The following TOP3B variants were observed in gnomAD, a reference collection of about 807,000 sequenced individuals.
TOP3B encodes the protein DNA topoisomerase III beta.
In TOP3B, 45 loss-of-function variants were observed where a neutral mutation model predicts 93.9. That is an observed-to-expected ratio of 0.48 (90% CI 0.38 to 0.61). The LOEUF (loss-of-function observed/expected upper bound fraction) is 0.61. Ranked by LOEUF, TOP3B falls within the 20% of genes least tolerant of loss-of-function variation. The probability of loss-of-function intolerance (pLI) is 0.00; values close to 1 mark genes in which losing one functional copy is unlikely to be tolerated. For missense variants in TOP3B, 750 were observed against 1,156.1 expected (o/e 0.65, Z 5.09); for synonymous variants, 357 against 472.6 (o/e 0.76, Z 3.17).
Position 21,959,392 on chromosome 22 carries a change from C to A in TOP3B, c.1805-160G>T. The A allele has an allele frequency of 2.0e-6, 3 of 1,482,794 alleles. No homozygotes were observed. In the South Asian group the frequency reaches 4.1e-5, roughly 20 times the overall value. The allele number at this position is 1,482,794 out of a possible 1,614,324, so 91.9% of individuals were successfully genotyped here. On this transcript the variant is annotated intron_variant, in intron 15 of 17. Transcript: ENST00000357179. Reference sequence around the variant, plus strand: ...GCAGCAGCCCTGTGCGTCAGAGGCACGTGTTCCTGGCCATGTGTGGTGTTA... The same window carrying A: ...GCAGCAGCCCTGTGCGTCAGAGGCAAGTGTTCCTGGCCATGTGTGGTGTTA...
chr22:21,982,471 A>G (rs1054407472), intron 1 of TOP3B: 11 of 152,194 alleles, frequency 7.2e-5, no homozygotes, highest in African/African-American at 2.7e-4. Context: ...TTCGAAGAAG[A>G]AAAGTATTAA....
At chr22:21,977,843 C>A (rs2071944702) in intron 1 of TOP3B, among the ~76,000 whole-genome samples, 1 of 152,138 alleles carries the variant, frequency 6.6e-6, no homozygotes, top group Non-Finnish European at 1.5e-5. Flanking sequence ...TTGGCCTAGT[C>A]CAGGATGCAG....
At position 21,958,713 on chromosome 22, in the gene TOP3B, G is replaced by C; in HGVS notation, c.1906-20C>G. ...CTTGGCCTGCGGCAATGCCAGGCAG[G>C]TGGCGTGAGGGTCACTGGGGCCACC... On this transcript the variant is annotated intron_variant, in intron 16 of 17. Transcript: ENST00000357179. 6.3e-7 allele frequency: 1 copy of C among 1,581,420 alleles called. No homozygotes were observed. The highest frequency in any genetic ancestry group is 1.1e-5 in the South Asian group (1 of 88,820).
chr22:21,980,139 A>C (rs2084597675), intron 1 of TOP3B, among the ~76,000 whole-genome samples: 2 of 152,124 alleles, frequency 1.3e-5, no homozygotes, highest in Admixed American at 1.3e-4. Context: ...ACACGTGTGC[A>C]CTTGATTATG....
intron 1 of TOP3B, among the ~76,000 whole-genome samples, chr22:21,981,859 G>A (rs530664942): frequency 6.6e-6 from 1 of 152,174 alleles, no homozygotes; most frequent in Admixed American, 6.5e-5. Context: ...GCAGTGGTCT[G>A]AATAGCATTA....
chr22:21,958,183 C>A, intron 17 of TOP3B: 2 of 1,281,012 alleles, frequency 1.6e-6, no homozygotes, highest in Non-Finnish European at 2.0e-6. Flanking sequence ...GCCCGCTCAC[C>A]GGGTGGGTCC....
rs759483856 is a variant in TOP3B at position 21,974,508 on chromosome 22, A to G, written c.71-20T>C. 3 of 1,584,908 alleles carry G rather than the reference A, an allele frequency of 1.9e-6. No individual in the cohort carries two copies. In the African/African-American group the frequency reaches 4.0e-5, roughly 21 times the overall value. On this transcript the variant is annotated intron_variant, in intron 2 of 17. Coordinates refer to ENST00000357179, the MANE Select transcript of TOP3B (RefSeq NM_001282112.2). ...GGCTCCCTGGGGATGAGGAAGCACA[A>G]AGTGACTGGCTGCTTCAGCTGAGCT... is the stretch of plus-strand genomic sequence containing the variant.
intron 17 of TOP3B, chr22:21,957,830 T>G (rs2070987049): frequency 6.5e-7 from 1 of 1,532,548 alleles, no homozygotes; most frequent in African/African-American, 1.4e-5. Context: ...ACCATCCCAG[T>G]GGGTTTCAGC....
In TOP3B at chr22:21,970,541, C is replaced by G; in HGVS notation, c.385-135G>C. 1.1e-6 allele frequency: 1 copy of G among 886,792 alleles called. No homozygotes were observed. The highest frequency in any genetic ancestry group is 1.7e-6 in the Non-Finnish European group (1 of 589,530). The allele number at this position is 886,792 out of a possible 1,614,324, so 54.9% of individuals were successfully genotyped here. On this transcript the variant is annotated intron_variant, in intron 5 of 17. Transcript: ENST00000357179. This position sits in a 1 kb window ranked among gnomAD's most constrained non-coding sequence, Gnocchi z 4.4. ...CCCTCTCCTGCCCCTGCCAGACCCTCCTCTATCCCCTTTCCTGCACCTGCC... is the reference window on the plus strand; with the variant it reads ...CCCTCTCCTGCCCCTGCCAGACCCTGCTCTATCCCCTTTCCTGCACCTGCC...
intron 8 of TOP3B, chr22:21,967,353 G>A (rs556021145): frequency 5.6e-5 from 26 of 461,306 alleles, no homozygotes; most frequent in Middle Eastern, 6.0e-4. Context: ...GAAGGGGTCC[G>A]ACAAGGTCAC....
Position 21,963,825 on chromosome 22 carries a change from A to C in TOP3B, c.1204+98T>G. 7.7e-7 allele frequency: 1 copy of C among 1,292,528 alleles called. No individual in the cohort carries two copies. Among genetic ancestry groups the C allele is most frequent in the South Asian group, 1.3e-5 (1 of 78,520 alleles). The allele number at this position is 1,292,528 out of a possible 1,614,324, so 80.1% of individuals were successfully genotyped here. A position where few individuals can be genotyped will look rare whatever the true frequency, so the allele number is the denominator to read the frequency against. On this transcript the variant is annotated intron_variant, in intron 11 of 17. Transcript: ENST00000357179. The surrounding 1 kb of genome is among the most constrained non-coding windows in gnomAD (Gnocchi z 4.8). ...CCACAGCCAGGGCAGGCAGAGGCTGAAGGAGCCCCCACATTGCCAACAGGG... is the reference window on the plus strand; with the variant it reads ...CCACAGCCAGGGCAGGCAGAGGCTGCAGGAGCCCCCACATTGCCAACAGGG...
rs1242167054 is a variant in TOP3B, at chr22:21,970,433, A to T, written c.385-27T>A. 2 of 1,607,106 alleles carry T rather than the reference A, an allele frequency of 1.2e-6. No homozygotes were observed. The highest frequency in any genetic ancestry group is 1.7e-6 in the Non-Finnish European group (2 of 1,176,878). Reference sequence around the variant, plus strand: ...TGGGGGTGGGGAGTGGCCAGCTGTGACCCACCTCCCAGATCCCTGCCACAG... The same window carrying T: ...TGGGGGTGGGGAGTGGCCAGCTGTGTCCCACCTCCCAGATCCCTGCCACAG... On this transcript the variant is annotated intron_variant, in intron 5 of 17. Coordinates refer to ENST00000357179, the MANE Select transcript of TOP3B (RefSeq NM_001282112.2). The surrounding 1 kb of genome is among the most constrained non-coding windows in gnomAD (Gnocchi z 4.4).
chr22:21,959,702 T>C lies in TOP3B; in HGVS notation c.1689A>G (p.Ala563=). 1 of 1,613,462 alleles carries C rather than the reference T, an allele frequency of 6.2e-7. No individual in the cohort carries two copies. Among genetic ancestry groups the C allele is most frequent in the Non-Finnish European group, 8.5e-7 (1 of 1,179,906 alleles). ...CGATCAGGTTCAGCTGCTTCTCCAC[T>C]GCACTGCGGATGGTGGGGAGCACCA... The part of the protein sequence containing the change: ...AELVLPTIRS[A]VEKQLNLIAQ... The change falls in exon 15 of 18, where the codon GCA becomes GCG. Residue 563 remains alanine, a synonymous_variant. Coordinates refer to ENST00000357179, the MANE Select transcript of TOP3B (RefSeq NM_001282112.2).
At chr22:21,968,576 CAAACCCAGA>C in intron 7 of TOP3B, 34 bp downstream of exon 7, 2 of 1,608,814 alleles carry the variant, frequency 1.2e-6, no homozygotes, top group Admixed American at 3.4e-5. Flanking sequence ...ATCCATGCCC[CAAACCCAGA>C]AAGCCCCAGC....
intron 9 of TOP3B, 190 bp downstream of exon 9, chr22:21,965,095 A>C (rs2071362222): frequency 2.4e-6 from 1 of 424,102 alleles, no homozygotes; most frequent in African/African-American, 2.0e-5. Flanking sequence ...AGGGACTCTA[A>C]CATCAGGAGG....
At chr22:21,977,480 G>A (rs1254753299) in intron 1 of TOP3B, 1 of 132,880 alleles carries the variant, frequency 7.5e-6, no homozygotes, top group African/African-American at 2.9e-5. Flanking sequence ...AGTGAGCCGA[G>A]ATCATGCTAT....
intron 16 of TOP3B, 143 bp downstream of exon 16, chr22:21,958,989 G>A: frequency 7.9e-7 from 1 of 1,262,766 alleles, no homozygotes. Flanking sequence ...GGGGACACTG[G>A]GTATTTTTTG....
At chr22:21,976,740 A>G (rs961499745) in intron 1 of TOP3B, 1 of 152,232 alleles carries the variant, frequency 6.6e-6, no homozygotes, top group Non-Finnish European at 1.5e-5. Context: ...TGCCTGACAC[A>G]TGACATTCAA....
At chr22:21,962,056 C>T in intron 13 of TOP3B, 1 of 1,116,196 alleles carries the variant, frequency 9.0e-7, no homozygotes, top group Non-Finnish European at 1.1e-6. Context: ...ATTTCCCTGT[C>T]ACCTGATTTC....
Sources: gnomAD v4.1 joint callset for allele counts (sites outside exome capture counted in the v4.1 genomes callset) on GRCh38, gnomAD v4.1.1 for gene constraint, Gnocchi (gnomAD v3.1) non-coding constraint, MANE v1.5 for transcripts, NCBI Gene and HGNC (gene_info 2026-07-23, HGNC 2026-07-21) for gene names.